The following ACTN2 variants were observed in gnomAD, a reference collection of about 807,000 sequenced individuals.
The protein encoded by ACTN2 is alpha-actinin-2.
Under a neutral mutation model 113.8 loss-of-function variants are expected in ACTN2, and 39 were observed. The observed-to-expected ratio is 0.34, with a 90% CI of 0.27 to 0.45. The LOEUF (loss-of-function observed/expected upper bound fraction) is 0.45. ACTN2 is among the 20% of genes least tolerant of loss of function. The pLI, the probability that ACTN2 is intolerant of heterozygous loss-of-function variation, is 1.00. For synonymous variants in ACTN2, 429 were observed against 444.1 expected, an observed-to-expected ratio of 0.97 and a Z score of 0.43; for missense variants, 992 against 1,177.9, an observed-to-expected ratio of 0.84 and a Z score of 2.31.
chr1:236,701,507 C>A (rs866912843), intron 1 of ACTN2, among the ~76,000 whole-genome samples: 1 of 152,328 alleles, frequency 6.6e-6, no homozygotes, highest in African/African-American at 2.4e-5. Context: ...ACCAGCCCGG[C>A]TGAGTCCTCC....
chr1:236,701,744 C>T (rs1248273331), intron 1 of ACTN2, among the ~76,000 whole-genome samples: 2 of 152,146 alleles, frequency 1.3e-5, no homozygotes, highest in Non-Finnish European at 2.9e-5. Flanking sequence ...TGTAGATTTG[C>T]TCTTTTGACA....
At chr1:236,719,434 C>T (rs771264208) in intron 3 of ACTN2, among the ~76,000 whole-genome samples, 8 of 152,152 alleles carry the variant, frequency 5.3e-5, no homozygotes, top group Non-Finnish European at 8.8e-5. Flanking sequence ...TTGTCAGCTG[C>T]GGAATGCCGT....
chr1:236,727,798 G>C, intron 6 of ACTN2, 42 bp downstream of exon 6: 1 of 1,584,356 alleles, frequency 6.3e-7, no homozygotes, highest in Non-Finnish European at 8.7e-7. Context: ...CCAGCCACGC[G>C]TCTCAGCATG....
Position 236,761,677 on chromosome 1 carries a change from G to C in ACTN2, c.2526+504G>C, listed in dbSNP as rs1392811290. On this transcript the variant is annotated intron_variant, in intron 20 of 20. Coordinates refer to ENST00000366578, the MANE Select transcript of ACTN2 (RefSeq NM_001103.4). ...CATTACATGTAGCCTAGACCTTCAG[G>C]AGGAGTTTAATTGCCAGTTCAGAAT... Among the ~76,000 whole-genome samples, 6 of 152,198 alleles carry C rather than the reference G, an allele frequency of 3.9e-5. No homozygotes were observed. In the East Asian group the frequency reaches 1.2e-3, roughly 29 times the overall value.
At chr1:236,725,816 T>C in intron 4 of ACTN2, 117 bp from the exon 5 acceptor site, 1 of 876,154 alleles carries the variant, frequency 1.1e-6, no homozygotes, top group Non-Finnish European at 2.0e-6. Flanking sequence ...GCCGAGGCTG[T>C]AGGAAGAGAC....
intron 1 of ACTN2, among the ~76,000 whole-genome samples, chr1:236,689,643 A>G (rs1275132104): frequency 6.6e-6 from 1 of 152,192 alleles, no homozygotes; most frequent in African/African-American, 2.4e-5. Context: ...ATGAGCCACG[A>G]TGCTCAGCCC....
At chr1:236,719,281 A>G (rs561234020) in intron 3 of ACTN2, among the ~76,000 whole-genome samples, 1 of 152,364 alleles carries the variant, frequency 6.6e-6, no homozygotes, top group African/African-American at 2.4e-5. Flanking sequence ...AAGAACTTAC[A>G]CATCCCAATG....
chr1:236,726,974 C>T (rs1658569141), intron 5 of ACTN2, among the ~76,000 whole-genome samples: 1 of 152,210 alleles, frequency 6.6e-6, no homozygotes, highest in Admixed American at 6.5e-5. Context: ...TGATAACTCT[C>T]ACGGAGGTCT....
At chr1:236,761,602 G>A (rs1227989484) in intron 20 of ACTN2, among the ~76,000 whole-genome samples, 1 of 152,144 alleles carries the variant, frequency 6.6e-6, no homozygotes, top group Non-Finnish European at 1.5e-5. Flanking sequence ...CCCAGCCATG[G>A]AGCAAAGTTA....
intron 1 of ACTN2, among the ~76,000 whole-genome samples, chr1:236,690,357 A>T (rs960190868): frequency 6.6e-6 from 1 of 152,108 alleles, no homozygotes; most frequent in Non-Finnish European, 1.5e-5. Context: ...TCTTGCATAA[A>T]TTTTTCCTAG....
intron 1 of ACTN2, among the ~76,000 whole-genome samples, chr1:236,698,064 G>A (rs571802908): frequency 7.9e-4 from 119 of 151,086 alleles, no homozygotes; most frequent in African/African-American, 2.7e-3. Flanking sequence ...GTGAGCCACC[G>A]CACCCGACCC....
Position 236,718,562 on chromosome 1 carries a change from G to A in ACTN2, c.242-332G>A, listed in dbSNP as rs143337984. ...CTGGCCATCCTGACTTCCTCTAACCGTTAGCCAGCAACTCTGAATACTCCA... is the reference window on the plus strand; with the variant it reads ...CTGGCCATCCTGACTTCCTCTAACCATTAGCCAGCAACTCTGAATACTCCA... On this transcript the variant is annotated intron_variant, in intron 2 of 20. Transcript: ENST00000366578. 5.4e-4 allele frequency among the ~76,000 whole-genome samples: 82 copies of A among 152,246 alleles called. No individual in the cohort carries two copies. In the East Asian group the frequency reaches 6.4e-3, roughly 12 times the overall value.
intron 19 of ACTN2, 62 bp downstream of exon 19, chr1:236,759,851 T>A: frequency 6.6e-7 from 1 of 1,518,196 alleles, no homozygotes; most frequent in Non-Finnish European, 9.1e-7. Context: ...ATTTCTGTTA[T>A]AAAAGATGAC....
intron 15 of ACTN2, among the ~76,000 whole-genome samples, chr1:236,752,119 G>A (rs576176637): frequency 1.3e-5 from 2 of 152,316 alleles, no homozygotes; most frequent in South Asian, 4.1e-4. Context: ...CTAACTTGCA[G>A]CCTTTTAAAT....
chr1:236,724,811 G>A (rs1323625936), intron 4 of ACTN2, among the ~76,000 whole-genome samples: 1 of 150,700 alleles, frequency 6.6e-6, no homozygotes, highest in Non-Finnish European at 1.5e-5. Flanking sequence ...CATTTTTATG[G>A]TCATCACAGA....
chr1:236,764,120 G>C lies in ACTN2; in HGVS notation c.*1501G>C, dbSNP rs1336028648. ...AAATGTAATATTTCCATTCCAAGCT[G>C]TCTGACAGCTTGACTCTTCTTCCTA... is the stretch of plus-strand genomic sequence containing the variant. On this transcript the variant is annotated 3_prime_UTR_variant, in exon 21 of 21. Transcript: ENST00000366578. 1 of 152,138 alleles carries C rather than the reference G, an allele frequency of 6.6e-6. No homozygotes were observed. Among genetic ancestry groups the C allele is most frequent in the African/African-American group, 2.4e-5 (1 of 41,432 alleles). The allele number at this position is 152,138 out of a possible 1,614,324, so 9.4% of individuals were successfully genotyped here. A position where few individuals can be genotyped will look rare whatever the true frequency, so the allele number is the denominator to read the frequency against.
intron 17 of ACTN2, 124 bp downstream of exon 17, chr1:236,755,322 G>T: frequency 8.5e-7 from 1 of 1,179,816 alleles, no homozygotes. Flanking sequence ...ATGAAAGTTA[G>T]GGATCTTTAA....
chr1:236,696,682 T>TG (rs1657511497), intron 1 of ACTN2, among the ~76,000 whole-genome samples: 1 of 151,612 alleles, frequency 6.6e-6, no homozygotes, highest in South Asian at 2.1e-4. Flanking sequence ...TTTTTTTTTT[T>TG]TTGAGATGGA....
At chr1:236,736,658 C>G in intron 8 of ACTN2, 1 of 1,526,600 alleles carries the variant, frequency 6.6e-7, no homozygotes, top group Non-Finnish European at 8.8e-7. Flanking sequence ...TCAGTGAATT[C>G]AAGTGCAATG....
Sources: allele counts gnomAD v4.1 joint callset (sites outside exome capture counted in the v4.1 genomes callset), GRCh38; gene constraint gnomAD v4.1.1; transcripts MANE v1.5; gene names NCBI Gene and HGNC (gene_info 2026-07-23, HGNC 2026-07-21).